The following PPARGC1A variants were observed in gnomAD, a reference collection of about 807,000 sequenced individuals.
The protein encoded by PPARGC1A is peroxisome proliferator-activated receptor gamma coactivator 1-alpha.
A neutral mutation model predicts 88.7 loss-of-function variants in PPARGC1A; 25 were observed. That is an observed-to-expected ratio of 0.28 (90% confidence interval 0.21 to 0.39). The LOEUF (loss-of-function observed/expected upper bound fraction) is 0.39. Among genes scored for constraint, PPARGC1A ranks in the 10% least tolerant of loss-of-function variants. The pLI is 1.00. For synonymous variants in PPARGC1A, 363 were observed against 355.6 expected, an observed-to-expected ratio of 1.02 and a Z score of -0.24; for missense variants, 880 against 968.7, an observed-to-expected ratio of 0.91 and a Z score of 1.22.
At chr4:24,235,020 G>A in the PPARGC1A span, among the ~76,000 whole-genome samples, 2 of 152,074 alleles carry the variant, frequency 1.3e-5, no homozygotes, top group Non-Finnish European at 2.9e-5. Context: ...CTCATTTTGG[G>A]AATATTGTTT....
rs560617882 is a variant in PPARGC1A at position 23,871,844 on chromosome 4, A to G, written c.234+12908T>C. ...TCAAAGCAGAAATAAATTTCTCAGA[A>G]AGAACTGTGGAGAAGAGGATTTAAG... On this transcript the variant is annotated intron_variant, in intron 2 of 12. Coordinates refer to ENST00000264867, the MANE Select transcript of PPARGC1A (RefSeq NM_013261.5). 1.4e-4 allele frequency among the ~76,000 whole-genome samples: 21 copies of G among 152,278 alleles called. No individual in the cohort carries two copies. The South Asian group carries it at 3.9e-3, about 29-fold the overall frequency.
At chr4:23,945,084 T>C in the PPARGC1A span, among the ~76,000 whole-genome samples, 1 of 152,094 alleles carries the variant, frequency 6.6e-6, no homozygotes, top group Non-Finnish European at 1.5e-5. Context: ...ATAAAGCCCA[T>C]AGAATAGTGC....
At chr4:24,083,993 C>G in the PPARGC1A span, among the ~76,000 whole-genome samples, 2 of 152,190 alleles carry the variant, frequency 1.3e-5, no homozygotes, top group Non-Finnish European at 2.9e-5. Flanking sequence ...CTATCATTAT[C>G]CAAGTTTGCC....
chr4:24,047,082 T>C, the PPARGC1A span, among the ~76,000 whole-genome samples: 1 of 152,184 alleles, frequency 6.6e-6, no homozygotes, highest in Non-Finnish European at 1.5e-5. Context: ...ACCTCTCCTA[T>C]TCCATTATTC....
At chr4:23,931,843 G>C in the PPARGC1A span, among the ~76,000 whole-genome samples, 2 of 152,218 alleles carry the variant, frequency 1.3e-5, no homozygotes, top group Admixed American at 6.5e-5. Context: ...TTTGGAGTCA[G>C]AGATACCCAG....
At chr4:24,015,256 G>T in the PPARGC1A span, among the ~76,000 whole-genome samples, 3 of 152,056 alleles carry the variant, frequency 2.0e-5, no homozygotes, top group African/African-American at 7.2e-5. Context: ...GATAGGAATA[G>T]GTATAGATGA....
At chr4:24,020,252 G>A in the PPARGC1A span, among the ~76,000 whole-genome samples, 6 of 152,060 alleles carry the variant, frequency 3.9e-5, no homozygotes, top group Non-Finnish European at 5.9e-5. Context: ...CTAAGAAATC[G>A]CTTTCCTAAA....
At chr4:24,089,907 C>G in the PPARGC1A span, among the ~76,000 whole-genome samples, 1 of 152,172 alleles carries the variant, frequency 6.6e-6, no homozygotes, top group Non-Finnish European at 1.5e-5. Flanking sequence ...TGTACAGGAT[C>G]ACATCTTTGG....
At chr4:23,919,175 T>C in the PPARGC1A span, among the ~76,000 whole-genome samples, 2 of 152,324 alleles carry the variant, frequency 1.3e-5, no homozygotes, top group East Asian at 3.9e-4. Context: ...TGTTTTAACT[T>C]GTATAGCACC....
upstream of PPARGC1A, among the ~76,000 whole-genome samples, chr4:23,894,459 C>G (rs971864342): frequency 2.0e-5 from 3 of 151,884 alleles, no homozygotes; most frequent in African/African-American, 7.3e-5. Flanking sequence ...CCTCATTTTG[C>G]TTGAAAAAAA....
intron 2 of PPARGC1A, among the ~76,000 whole-genome samples, chr4:23,855,979 A>T (rs934050932): frequency 1.3e-5 from 2 of 152,246 alleles, no homozygotes; most frequent in Admixed American, 1.3e-4. Flanking sequence ...TTAATAAACA[A>T]TAATTGAATA....
At chr4:23,917,776 G>A in the PPARGC1A span, among the ~76,000 whole-genome samples, 1 of 152,184 alleles carries the variant, frequency 6.6e-6, no homozygotes, top group African/African-American at 2.4e-5. Flanking sequence ...AATTAGTAGT[G>A]CCAATGTATT....
the PPARGC1A span, among the ~76,000 whole-genome samples, chr4:24,358,172 T>G: frequency 2.6e-5 from 4 of 152,212 alleles, no homozygotes; most frequent in Non-Finnish European, 5.9e-5. Context: ...TTCAAGGTCA[T>G]GCAGTTAGTA....
At chr4:23,836,783 G>T (rs73802993) in intron 2 of PPARGC1A, among the ~76,000 whole-genome samples, 1 of 152,266 alleles carries the variant, frequency 6.6e-6, no homozygotes, top group South Asian at 2.1e-4. Context: ...TTTGTGCACA[G>T]TTGGCAAAAG....
At chr4:24,389,185 C>T in the PPARGC1A span, among the ~76,000 whole-genome samples, 1 of 152,086 alleles carries the variant, frequency 6.6e-6, no homozygotes, top group Non-Finnish European at 1.5e-5. Context: ...GCTCAAATAA[C>T]ACTACCCCTG....
chr4:23,833,483 A>G (rs1725420648), intron 2 of PPARGC1A, among the ~76,000 whole-genome samples: 1 of 152,200 alleles, frequency 6.6e-6, no homozygotes, highest in African/African-American at 2.4e-5. Flanking sequence ...TTTATTATAA[A>G]ATGCACCTAG....
chr4:24,153,691 C>T, the PPARGC1A span, among the ~76,000 whole-genome samples: 7 of 152,128 alleles, frequency 4.6e-5, no homozygotes, highest in Admixed American at 4.6e-4. Flanking sequence ...ACATGAAAAT[C>T]TGATGATATT....
chr4:24,025,401 T>C, the PPARGC1A span, among the ~76,000 whole-genome samples: 1 of 152,108 alleles, frequency 6.6e-6, no homozygotes, highest in Non-Finnish European at 1.5e-5. Context: ...CAGGAGAGAT[T>C]TATCTTCAGA....
chr4:23,840,030 C>T (rs949624526), intron 2 of PPARGC1A, among the ~76,000 whole-genome samples: 2 of 151,952 alleles, frequency 1.3e-5, no homozygotes, highest in African/African-American at 4.8e-5. Context: ...CATTTGCCAA[C>T]CCATCTCAAT....
Sources: allele counts gnomAD v4.1 joint callset (sites outside exome capture counted in the v4.1 genomes callset), GRCh38; gene constraint gnomAD v4.1.1; transcripts MANE v1.5; gene names NCBI Gene and HGNC (gene_info 2026-07-23, HGNC 2026-07-21).